Variants in RASSF9 observed in about 807,000 individuals in gnomAD.
The protein encoded by RASSF9 is Ras association domain family member 9.
Under a neutral mutation model 21.4 loss-of-function variants are expected in RASSF9, and 18 were observed. The ratio of observed to expected loss-of-function variants is 0.84; its 90% CI spans 0.58 to 1.25. The LOEUF (loss-of-function observed/expected upper bound fraction) is 1.25, where lower values mean the gene tolerates loss of function less well. Among genes scored for constraint, RASSF9 ranks in the 50% most tolerant of loss-of-function variants. The probability of loss-of-function intolerance (pLI) is 0.00; values close to 1 mark genes in which losing one functional copy is unlikely to be tolerated. For missense variants in RASSF9, 480 were observed against 503.2 expected (o/e 0.95, Z 0.44); for synonymous variants, 183 against 179.1 (o/e 1.02, Z -0.18).
intron 1 of RASSF9, among the ~76,000 whole-genome samples, chr12:85,809,213 C>G (rs1308066553): frequency 2.0e-5 from 3 of 152,068 alleles, no homozygotes; most frequent in African/African-American, 7.2e-5. Flanking sequence ...GTTCTAACAA[C>G]TACACTATAA....
In RASSF9 at chr12:85,832,305, C is replaced by A. The variant is rs535359386; in HGVS notation, c.47+3850G>T. 7.2e-4 allele frequency among the ~76,000 whole-genome samples: 110 copies of A among 151,924 alleles called. 1 individual carries two copies. The highest frequency in any genetic ancestry group is 2.4e-3 in the African/African-American group (98 of 41,532). ...CATTATGGTAATGTTATGCTTCTAG[C>A]AAGGTTTGGTGAAAGTACCAACCAA... On this transcript the variant is annotated intron_variant, in intron 1 of 1. Transcript: ENST00000361228.
At chr12:85,827,734 C>A (rs143865728) in intron 1 of RASSF9, among the ~76,000 whole-genome samples, 67 of 152,298 alleles carry the variant, frequency 4.4e-4, no homozygotes, top group African/African-American at 1.5e-3. Flanking sequence ...TCTTCTACCA[C>A]AAGCCTGACA....
chr12:85,834,543 T>A (rs1284316532), intron 1 of RASSF9, among the ~76,000 whole-genome samples: 1 of 151,974 alleles, frequency 6.6e-6, no homozygotes, highest in East Asian at 1.9e-4. Flanking sequence ...GCATGCAAAG[T>A]TTTATTGCCC....
chr12:85,809,752 C>T (rs1879912251), intron 1 of RASSF9, among the ~76,000 whole-genome samples: 1 of 151,612 alleles, frequency 6.6e-6, no homozygotes, highest in African/African-American at 2.4e-5. Flanking sequence ...ACCCCTATTC[C>T]AATTGGAATC....
In RASSF9 at chr12:85,805,107, A is replaced by G; in HGVS notation, c.903T>C (p.Asp301=). The G allele has an allele frequency of 6.2e-7, 1 of 1,613,962 alleles. No individual in the cohort carries two copies. The highest frequency in any genetic ancestry group is 8.5e-7 in the Non-Finnish European group (1 of 1,179,888). The part of the protein sequence containing the change: ...VKSVCIDINE[D]AEGEAASELE... Reference sequence around the variant, plus strand: ...GTTCACTTGCAGCTTCCCCTTCCGCATCTTCATTTATATCAATGCAAACAC... The same window carrying G: ...GTTCACTTGCAGCTTCCCCTTCCGCGTCTTCATTTATATCAATGCAAACAC... The change falls in exon 2 of 2, where the codon GAT becomes GAC. Residue 301 remains aspartate (D), a synonymous_variant. Coordinates refer to ENST00000361228, the MANE Select transcript of RASSF9 (RefSeq NM_005447.4).
chr12:85,804,555 G>T lies in RASSF9; in HGVS notation c.*147C>A. ...AAGTTCCTTTGGAAATTTCACATCA[G>T]AAACAACACATTTCTCGAGTTTTTA... On this transcript the variant is annotated 3_prime_UTR_variant, in exon 2 of 2. Transcript: ENST00000361228. The T allele has an allele frequency of 1.2e-6, 1 of 825,956 alleles. No individual in the cohort carries two copies. Among genetic ancestry groups the T allele is most frequent in the Non-Finnish European group, 1.7e-6 (1 of 582,008 alleles). The allele number at this position is 825,956 out of a possible 1,614,324, so 51.2% of individuals were successfully genotyped here.
intron 1 of RASSF9, among the ~76,000 whole-genome samples, chr12:85,819,785 G>T (rs1880167492): frequency 6.6e-6 from 1 of 152,056 alleles, no homozygotes; most frequent in South Asian, 2.1e-4. Context: ...AAAACCAAAA[G>T]AAAGAAGACA....
chr12:85,827,101 T>A (rs2136562300), intron 1 of RASSF9, among the ~76,000 whole-genome samples: 1 of 152,288 alleles, frequency 6.6e-6, no homozygotes, highest in South Asian at 2.1e-4. Flanking sequence ...GTCTTGAGCT[T>A]CAGGCCCAAT....
At chr12:85,811,275 G>A (rs141953597) in intron 1 of RASSF9, among the ~76,000 whole-genome samples, 1 of 151,862 alleles carries the variant, frequency 6.6e-6, no homozygotes, top group African/African-American at 2.4e-5. Context: ...GAATACTAGA[G>A]GAATAGGGAC....
chr12:85,824,676 A>C (rs370739537), intron 1 of RASSF9, among the ~76,000 whole-genome samples: 4 of 152,150 alleles, frequency 2.6e-5, no homozygotes, highest in African/African-American at 9.6e-5. Context: ...GACTCCTCTA[A>C]CTCATAGCCA....
chr12:85,817,164 G>C (rs532541146), intron 1 of RASSF9, among the ~76,000 whole-genome samples: 1 of 152,204 alleles, frequency 6.6e-6, no homozygotes, highest in African/African-American at 2.4e-5. Context: ...TTTAATCCCT[G>C]TTCCAGAAAT....
At chr12:85,813,576 T>C (rs1010752446) in intron 1 of RASSF9, among the ~76,000 whole-genome samples, 2 of 151,682 alleles carry the variant, frequency 1.3e-5, no homozygotes, top group African/African-American at 4.8e-5. Flanking sequence ...TGAAGATAAA[T>C]GGATATAATT....
intron 1 of RASSF9, among the ~76,000 whole-genome samples, chr12:85,808,790 C>T (rs749554905): frequency 6.6e-6 from 1 of 151,716 alleles, no homozygotes; most frequent in Non-Finnish European, 1.5e-5. Context: ...TGTTAAATTA[C>T]AAAATTTTAT....
chr12:85,831,955 T>A (rs2136564777), intron 1 of RASSF9, among the ~76,000 whole-genome samples: 1 of 152,086 alleles, frequency 6.6e-6, no homozygotes, highest in Non-Finnish European at 1.5e-5. Context: ...GTATCAATTA[T>A]AAAACAATAA....
chr12:85,802,947 G>A lies in RASSF9; in HGVS notation c.*1755C>T, dbSNP rs1367261494. The A allele has an allele frequency of 6.6e-6, 1 of 151,976 alleles. No homozygotes were observed. The highest frequency in any genetic ancestry group is 1.5e-5 in the Non-Finnish European group (1 of 67,958). The allele number at this position is 151,976 out of a possible 1,614,324, so 9.4% of individuals were successfully genotyped here. ...TTATCACTGTATTTTTCCATAGAATGGAAATTTCTATTTTTCTTACCAGCC... is the reference window on the plus strand; with the variant it reads ...TTATCACTGTATTTTTCCATAGAATAGAAATTTCTATTTTTCTTACCAGCC... On this transcript the variant is annotated 3_prime_UTR_variant, in exon 2 of 2. Transcript: ENST00000361228.
intron 1 of RASSF9, among the ~76,000 whole-genome samples, chr12:85,816,090 A>G (rs960938879): frequency 1.2e-4 from 18 of 152,122 alleles, no homozygotes; most frequent in Admixed American, 1.2e-3. Flanking sequence ...CTCACTTATA[A>G]GAGGGCGCTA....
intron 1 of RASSF9, among the ~76,000 whole-genome samples, chr12:85,823,928 A>G (rs150542657): frequency 2.6e-5 from 4 of 152,272 alleles, no homozygotes; most frequent in Non-Finnish European, 5.9e-5. Context: ...ATTGTGCAGT[A>G]AGTGGTAAGT....
At chr12:85,829,973 G>C (rs536410604) in intron 1 of RASSF9, among the ~76,000 whole-genome samples, 3 of 152,166 alleles carry the variant, frequency 2.0e-5, no homozygotes, top group East Asian at 3.9e-4. Context: ...CTTAGGAATG[G>C]GGTTTTGTCT....
chr12:85,825,758 C>A (rs7974167), intron 1 of RASSF9, among the ~76,000 whole-genome samples: 40,817 of 150,650 alleles, frequency 0.27, 5,897 homozygotes, highest in African/African-American at 0.36. Context: ...TCTAGGAGAT[C>A]AAAAGGTAAA....
Sources: allele counts gnomAD v4.1 joint callset (sites outside exome capture counted in the v4.1 genomes callset), GRCh38; gene constraint gnomAD v4.1.1; transcripts MANE v1.5; gene names NCBI Gene and HGNC (gene_info 2026-07-23, HGNC 2026-07-21).